HS6ST3: variants seen among roughly 807,000 people sequenced by gnomAD.
The protein encoded by HS6ST3 is heparan-sulfate 6-O-sulfotransferase 3.
HS6ST3 carries 12 observed loss-of-function variants against 36.7 expected under a neutral mutation model. The ratio of observed to expected loss-of-function variants is 0.33; its 90% confidence interval spans 0.21 to 0.53. HS6ST3 has a LOEUF of 0.53. Among genes scored for constraint, HS6ST3 ranks in the 20% least tolerant of loss-of-function variants. The pLI, the probability that HS6ST3 is intolerant of heterozygous loss-of-function variation, is 0.95. For missense variants in HS6ST3, 584 were observed against 640.9 expected (o/e 0.91, Z 0.96); for synonymous variants, 240 against 257.5 (o/e 0.93, Z 0.65).
chr13:96,207,944 A>G (rs1209755494), intron 1 of HS6ST3, among the ~76,000 whole-genome samples: 1 of 152,206 alleles, frequency 6.6e-6, no homozygotes. Flanking sequence ...ACATTTACCT[A>G]TGTAACAAAC....
intron 1 of HS6ST3, among the ~76,000 whole-genome samples, chr13:96,540,674 A>G (rs1182415481): frequency 2.0e-5 from 3 of 152,252 alleles, no homozygotes; most frequent in Non-Finnish European, 4.4e-5. Flanking sequence ...ACTTAATGCC[A>G]GTTCCTTCAC....
At chr13:96,583,640 C>T (rs1359526757) in intron 1 of HS6ST3, among the ~76,000 whole-genome samples, 2 of 152,032 alleles carry the variant, frequency 1.3e-5, no homozygotes, top group African/African-American at 2.4e-5. Flanking sequence ...GCTCCTTTAC[C>T]CTTCTTAATT....
chr13:96,216,706 T>C (rs778363119), intron 1 of HS6ST3, among the ~76,000 whole-genome samples: 12 of 152,126 alleles, frequency 7.9e-5, no homozygotes, highest in Non-Finnish European at 5.9e-5. Context: ...CAGAGGAAGC[T>C]TGGAGGCTGC....
intron 1 of HS6ST3, among the ~76,000 whole-genome samples, chr13:96,608,718 A>G (rs2056447298): frequency 6.6e-6 from 1 of 152,218 alleles, no homozygotes; most frequent in African/African-American, 2.4e-5. Context: ...CAGAGTAATT[A>G]GAGACAGATA....
At chr13:96,253,438 A>C (rs910550003) in intron 1 of HS6ST3, among the ~76,000 whole-genome samples, 1 of 152,140 alleles carries the variant, frequency 6.6e-6, no homozygotes, top group Admixed American at 6.5e-5. Flanking sequence ...AAGGGATGAC[A>C]CAAGTGAAGT....
intron 1 of HS6ST3, among the ~76,000 whole-genome samples, chr13:96,178,455 A>G (rs1200199365): frequency 6.6e-6 from 1 of 152,074 alleles, no homozygotes; most frequent in African/African-American, 2.4e-5. Context: ...GGAGGGCTTC[A>G]CTTTTCAGGG....
intron 1 of HS6ST3, among the ~76,000 whole-genome samples, chr13:96,627,404 T>C (rs1364640560): frequency 6.6e-6 from 1 of 152,046 alleles, no homozygotes; most frequent in Non-Finnish European, 1.5e-5. Flanking sequence ...TTTAATACCA[T>C]GATAGATTTT....
chr13:96,537,705 A>T (rs1215250816), intron 1 of HS6ST3, among the ~76,000 whole-genome samples: 1 of 152,254 alleles, frequency 6.6e-6, no homozygotes, highest in Non-Finnish European at 1.5e-5. Context: ...ATGACATTAG[A>T]AATCATTTTA....
intron 1 of HS6ST3, among the ~76,000 whole-genome samples, chr13:96,376,496 G>T (rs1361954829): frequency 6.6e-6 from 1 of 152,160 alleles, no homozygotes; most frequent in Admixed American, 6.6e-5. Flanking sequence ...TAAGTGGATT[G>T]TAGTGTCTTG....
intron 1 of HS6ST3, among the ~76,000 whole-genome samples, chr13:96,297,333 C>T (rs554860625): frequency 6.6e-6 from 1 of 152,088 alleles, no homozygotes; most frequent in Non-Finnish European, 1.5e-5. Context: ...TTTCTTTCCT[C>T]CTTTCTATTT....
chr13:96,118,446 A>C (rs975669719), intron 1 of HS6ST3, among the ~76,000 whole-genome samples: 1 of 151,868 alleles, frequency 6.6e-6, no homozygotes, highest in Non-Finnish European at 1.5e-5. Context: ...TCTGTTGCTT[A>C]AGCTACCAAG....
intron 1 of HS6ST3, among the ~76,000 whole-genome samples, chr13:96,514,767 A>T (rs1301138012): frequency 6.6e-6 from 1 of 152,158 alleles, no homozygotes; most frequent in Admixed American, 6.5e-5. Flanking sequence ...TAATCTGGTA[A>T]CCCTGAGTAA....
At chr13:96,762,426 G>A (rs1876993029) in intron 1 of HS6ST3, among the ~76,000 whole-genome samples, 1 of 152,228 alleles carries the variant, frequency 6.6e-6, no homozygotes, top group African/African-American at 2.4e-5. Context: ...GTTGCAGTGA[G>A]CCGATACAGT....
At chr13:96,348,244 T>G (rs7328493) in intron 1 of HS6ST3, among the ~76,000 whole-genome samples, 57,172 of 152,092 alleles carry the variant, frequency 0.38, 11,094 homozygotes, top group African/African-American at 0.46. Context: ...CAACTATAGA[T>G]TCTGCAAGAG....
At chr13:96,325,150 T>C (rs994831446) in intron 1 of HS6ST3, among the ~76,000 whole-genome samples, 7 of 152,152 alleles carry the variant, frequency 4.6e-5, no homozygotes, top group African/African-American at 1.7e-4. Flanking sequence ...TATGCATAAT[T>C]GAGAGGGCTG....
chr13:96,381,422 CT>C (rs2055340992), intron 1 of HS6ST3, among the ~76,000 whole-genome samples: 1 of 151,614 alleles, frequency 6.6e-6, no homozygotes, highest in Non-Finnish European at 1.5e-5. Context: ...ATCTATCTAT[CT>C]ATCTATCTAT....
chr13:96,725,813 A>G (rs1875989582), intron 1 of HS6ST3, among the ~76,000 whole-genome samples: 1 of 151,624 alleles, frequency 6.6e-6, no homozygotes, highest in Non-Finnish European at 1.5e-5. Context: ...GTGCTTTATG[A>G]TATGTCTTTT....
intron 1 of HS6ST3, among the ~76,000 whole-genome samples, chr13:96,824,756 G>A (rs572349390): frequency 1.3e-5 from 2 of 152,242 alleles, no homozygotes; most frequent in East Asian, 1.9e-4. Context: ...TGTGGTGGTC[G>A]CCTGTCCATG....
chr13:96,195,924 C>T (rs575333900), intron 1 of HS6ST3, among the ~76,000 whole-genome samples: 3 of 152,140 alleles, frequency 2.0e-5, no homozygotes, highest in South Asian at 2.1e-4. Flanking sequence ...GTAAAATATG[C>T]GCTCGATAAA....
Sources: allele counts gnomAD v4.1 joint callset (sites outside exome capture counted in the v4.1 genomes callset), GRCh38; gene constraint gnomAD v4.1.1; transcripts MANE v1.5; gene names NCBI Gene and HGNC (gene_info 2026-07-23, HGNC 2026-07-21).